Variants in RAB40B observed in about 807,000 individuals in gnomAD.
The protein encoded by RAB40B is RAB40B, member RAS oncogene family.
RAB40B carries 21 observed loss-of-function variants against 24.0 expected under a neutral mutation model. That is an observed-to-expected ratio of 0.88 (90% CI 0.62 to 1.26). The LOEUF (loss-of-function observed/expected upper bound fraction) is 1.26. Ranked by LOEUF, RAB40B falls within the 50% of genes most tolerant of loss-of-function variation. The pLI, the probability that RAB40B is intolerant of heterozygous loss-of-function variation, is 0.00. For synonymous variants in RAB40B, 167 were observed against 169.8 expected, an observed-to-expected ratio of 0.98 and a Z score of 0.13; for missense variants, 348 against 390.5, an observed-to-expected ratio of 0.89 and a Z score of 0.92.
At chr17:82,660,438 GCACT>G (rs564782100) in intron 3 of RAB40B, among the ~76,000 whole-genome samples, 239 of 139,794 alleles carry the variant, frequency 1.7e-3, no homozygotes, top group Non-Finnish European at 2.4e-3. Flanking sequence ...ACACGCACAG[GCACT>G]CATGCAGATG....
rs2046567951 is a variant in RAB40B at position 82,692,439 on chromosome 17, A to G, written c.142+6016T>C. Among the ~76,000 whole-genome samples the G allele has an allele frequency of 6.6e-6, 1 of 152,234 alleles. No homozygotes were observed. Among genetic ancestry groups the G allele is most frequent in the African/African-American group, 2.4e-5 (1 of 41,450 alleles). ...AGCTGCCTGAGCAAGGACAAGATGC[A>G]TCTGACTGCCCTGGCCAGCACAGGG... On this transcript the variant is annotated intron_variant, in intron 1 of 5. Coordinates refer to ENST00000571995, the MANE Select transcript of RAB40B (RefSeq NM_006822.3). This position sits in a 1 kb window ranked among gnomAD's most constrained non-coding sequence, Gnocchi z 4.0.
intron 1 of RAB40B, among the ~76,000 whole-genome samples, chr17:82,695,339 G>A (rs1298888239): frequency 7.9e-5 from 12 of 151,072 alleles, no homozygotes; most frequent in Non-Finnish European, 1.5e-4. Flanking sequence ...TTACAGGCAC[G>A]CGGCACCACG....
rs2046624745 is a variant in RAB40B at position 82,697,694 on chromosome 17, G to A, written c.142+761C>T. 6.6e-6 allele frequency among the ~76,000 whole-genome samples: 1 copy of A among 152,130 alleles called. No homozygotes were observed. Among genetic ancestry groups the A allele is most frequent in the Non-Finnish European group, 1.5e-5 (1 of 68,010 alleles). Reference sequence around the variant, plus strand: ...CCCCTTCTCCTGGGTTCCTGCCCCCGCCTTTCTTTCCCCGGAGCCGTCCAC... The same window carrying A: ...CCCCTTCTCCTGGGTTCCTGCCCCCACCTTTCTTTCCCCGGAGCCGTCCAC... On this transcript the variant is annotated intron_variant, in intron 1 of 5. Coordinates refer to ENST00000571995, the MANE Select transcript of RAB40B (RefSeq NM_006822.3). This position sits in a 1 kb window ranked among gnomAD's most constrained non-coding sequence, Gnocchi z 4.9.
At chr17:82,670,095 C>T (rs1453460507) in intron 1 of RAB40B, among the ~76,000 whole-genome samples, 14 of 151,978 alleles carry the variant, frequency 9.2e-5, no homozygotes, top group Non-Finnish European at 1.5e-4. Flanking sequence ...TTTGTCTTTC[C>T]GGAGATTAAT....
At chr17:82,698,326 C>A in intron 1 of RAB40B, 129 bp downstream of exon 1, 1 of 887,104 alleles carries the variant, frequency 1.1e-6, no homozygotes, top group Non-Finnish European at 1.4e-6. Flanking sequence ...CCACGCGCCC[C>A]GGCCTCTTCC....
intron 3 of RAB40B, among the ~76,000 whole-genome samples, chr17:82,660,583 C>T (rs1305673894): frequency 1.3e-5 from 2 of 151,586 alleles, no homozygotes; most frequent in African/African-American, 2.4e-5. Context: ...GGCACTCATG[C>T]CCAGATGCAC....
intron 1 of RAB40B, among the ~76,000 whole-genome samples, chr17:82,677,799 G>A (rs534282738): frequency 9.8e-5 from 15 of 152,318 alleles, no homozygotes; most frequent in African/African-American, 3.4e-4. Flanking sequence ...AGATGAGGGC[G>A]TCAGTGATGC....
chr17:82,659,360 C>T (rs1350133240), intron 4 of RAB40B: 4 of 564,266 alleles, frequency 7.1e-6, no homozygotes, highest in Non-Finnish European at 1.3e-5. Context: ...CTCGTTTCGT[C>T]TGGACCAGCT....
chr17:82,658,833 G>A, intron 4 of RAB40B, 120 bp from the exon 5 acceptor site: 1 of 857,340 alleles, frequency 1.2e-6, no homozygotes, highest in South Asian at 1.8e-5. Flanking sequence ...CAGAACCTCA[G>A]CATGGGACCT....
In RAB40B at chr17:82,672,882, C is replaced by T. The variant is rs368059082; in HGVS notation, c.143-8326G>A. Among the ~76,000 whole-genome samples, 18 of 152,298 alleles carry T rather than the reference C, an allele frequency of 1.2e-4. No homozygotes were observed. In the South Asian group the frequency reaches 1.9e-3, roughly 16 times the overall value. On this transcript the variant is annotated intron_variant, in intron 1 of 5. Coordinates refer to ENST00000571995, the MANE Select transcript of RAB40B (RefSeq NM_006822.3). ...ACAATGTTTATTTTTCCTTCATGTA[C>T]GAATTTTTGTTTCTACTGGAGTTAA...
chr17:82,671,817 C>CAT (rs2046340883), intron 1 of RAB40B, among the ~76,000 whole-genome samples: 1 of 13,544 alleles, frequency 7.4e-5, no homozygotes, highest in African/African-American at 2.3e-4. Flanking sequence ...CACACTCACA[C>CAT]CCTGTACTCA....
At chr17:82,669,995 A>G (rs1003670286) in intron 1 of RAB40B, among the ~76,000 whole-genome samples, 2 of 152,064 alleles carry the variant, frequency 1.3e-5, no homozygotes, top group African/African-American at 4.8e-5. Context: ...ACACTTGGGA[A>G]TCTATTTTCG....
At chr17:82,658,881 C>T (rs974934365) in intron 4 of RAB40B, 168 bp from the exon 5 acceptor site, 22 of 619,522 alleles carry the variant, frequency 3.6e-5, no homozygotes, top group Non-Finnish European at 4.2e-5. Context: ...TAAATAGTTA[C>T]GGTGCGGCCG....
chr17:82,666,100 C>T (rs1448166296), intron 1 of RAB40B, among the ~76,000 whole-genome samples: 1 of 151,662 alleles, frequency 6.6e-6, no homozygotes. Context: ...CCGCACCTGC[C>T]ACCACACCTG....
Position 82,657,772 on chromosome 17 carries a change from G to T in RAB40B, c.*91C>A. ...ATTCGCAAGCAGCATTCGCCGAGAG[G>T]AACCGGGATCTGAGATGCATCCACC... On this transcript the variant is annotated 3_prime_UTR_variant, in exon 6 of 6. Transcript: ENST00000571995. 6.9e-7 allele frequency: 1 copy of T among 1,446,528 alleles called. No individual in the cohort carries two copies. Among genetic ancestry groups the T allele is most frequent in the Non-Finnish European group, 9.7e-7 (1 of 1,028,202 alleles). 89.6% of individuals were successfully genotyped at this position (1,446,528 alleles called of 1,614,324 possible).
At chr17:82,676,363 G>C (rs1001416885) in intron 1 of RAB40B, among the ~76,000 whole-genome samples, 1 of 139,276 alleles carries the variant, frequency 7.2e-6, no homozygotes, top group Non-Finnish European at 1.5e-5. Flanking sequence ...ACCCCACACA[G>C]TGAGGGCACC....
chr17:82,668,579 G>A (rs532310494), intron 1 of RAB40B, among the ~76,000 whole-genome samples: 3 of 152,384 alleles, frequency 2.0e-5, no homozygotes, highest in South Asian at 4.1e-4. Flanking sequence ...TGGTGTGTCC[G>A]TGCTGCCCCA....
intron 1 of RAB40B, among the ~76,000 whole-genome samples, chr17:82,668,654 T>A (rs1458174493): frequency 9.2e-5 from 14 of 152,238 alleles, no homozygotes; most frequent in Admixed American, 7.9e-4. Context: ...GCTCCACGAC[T>A]GGAGCGGGCG....
chr17:82,671,259 T>A (rs1371224319), intron 1 of RAB40B, among the ~76,000 whole-genome samples: 1 of 121,404 alleles, frequency 8.2e-6, no homozygotes, highest in East Asian at 2.5e-4. Flanking sequence ...CCTGTAACCC[T>A]AACACACACA....
Sources: allele counts gnomAD v4.1 joint callset (sites outside exome capture counted in the v4.1 genomes callset), GRCh38; gene constraint gnomAD v4.1.1; non-coding constraint Gnocchi (gnomAD v3.1); transcripts MANE v1.5; gene names NCBI Gene and HGNC (gene_info 2026-07-23, HGNC 2026-07-21).